NETO1: variants seen among roughly 807,000 people sequenced by gnomAD.
NETO1 encodes neuropilin and tolloid-like protein 1.
NETO1 carries 26 observed loss-of-function variants against 61.3 expected under a neutral mutation model. The observed-to-expected ratio is 0.42, with a 90% CI of 0.31 to 0.59. The LOEUF is 0.59. Ranked by LOEUF, NETO1 falls within the 20% of genes least tolerant of loss-of-function variation. The probability of loss-of-function intolerance (pLI) is 0.12; values close to 1 mark genes in which losing one functional copy is unlikely to be tolerated. For synonymous variants in NETO1, 225 were observed against 225.8 expected (o/e 1.00, Z 0.03); for missense variants, 531 against 662.8 (o/e 0.80, Z 2.18).
intron 6 of NETO1, among the ~76,000 whole-genome samples, chr18:72,793,301 A>G (rs942985833): frequency 2.6e-4 from 39 of 152,278 alleles, no homozygotes; most frequent in Admixed American, 1.3e-3. Flanking sequence ...AACAAATAAC[A>G]TCTTAGACCT....
At chr18:72,812,081 T>G (rs1239621105) in intron 4 of NETO1, among the ~76,000 whole-genome samples, 1 of 152,214 alleles carries the variant, frequency 6.6e-6, no homozygotes, top group Non-Finnish European at 1.5e-5. Context: ...GAGGAACAAC[T>G]GTGGGTAAAA....
At chr18:72,764,393 T>C (rs1023981364) in intron 7 of NETO1, among the ~76,000 whole-genome samples, 1 of 152,118 alleles carries the variant, frequency 6.6e-6, no homozygotes, top group African/African-American at 2.4e-5. Flanking sequence ...AAGAGCAAAA[T>C]CTAGCATACT....
At chr18:72,819,401 A>C (rs1329547619) in intron 4 of NETO1, among the ~76,000 whole-genome samples, 1 of 152,210 alleles carries the variant, frequency 6.6e-6, no homozygotes, top group East Asian at 1.9e-4. Context: ...TAATTGCTGA[A>C]ATTCTGAGAA....
chr18:72,753,342 A>G (rs959320158), intron 8 of NETO1, among the ~76,000 whole-genome samples: 6 of 152,220 alleles, frequency 3.9e-5, no homozygotes, highest in Non-Finnish European at 8.8e-5. Flanking sequence ...CCAGAAGGCA[A>G]CATGATGACA....
intron 4 of NETO1, among the ~76,000 whole-genome samples, chr18:72,840,047 T>C (rs528961303): frequency 6.6e-6 from 1 of 152,334 alleles, no homozygotes; most frequent in Non-Finnish European, 1.5e-5. Flanking sequence ...TAGAAGTATA[T>C]CCTCCACATT....
At position 72,747,840 on chromosome 18, in the gene NETO1, A is replaced by C. The variant is rs564584282; in HGVS notation, c.*339T>G. On this transcript the variant is annotated 3_prime_UTR_variant, in exon 11 of 11. Coordinates refer to ENST00000327305, the MANE Select transcript of NETO1 (RefSeq NM_138966.5). ...CACAATGTACAATTATATAACAAAG[A>C]CATAAAACAACATAGAAACAAAAGT... is the stretch of plus-strand genomic sequence containing the variant. 2 of 152,126 alleles carry C rather than the reference A, an allele frequency of 1.3e-5. No individual in the cohort carries two copies. Among genetic ancestry groups the C allele is most frequent in the Non-Finnish European group, 2.9e-5 (2 of 68,004 alleles). 9.4% of individuals were successfully genotyped at this position (152,126 alleles called of 1,614,324 possible).
intron 3 of NETO1, among the ~76,000 whole-genome samples, chr18:72,861,074 C>T (rs2074557858): frequency 6.6e-6 from 1 of 152,204 alleles, no homozygotes; most frequent in African/African-American, 2.4e-5. Context: ...TTAACACGCA[C>T]TCACCAATTT....
At chr18:72,850,010 T>C (rs1349489414) in intron 4 of NETO1, among the ~76,000 whole-genome samples, 1 of 152,260 alleles carries the variant, frequency 6.6e-6, no homozygotes, top group Non-Finnish European at 1.5e-5. Flanking sequence ...TCCTCCCAGA[T>C]AATCCAAGAT....
Position 72,750,556 on chromosome 18 carries a change from A to G in NETO1, c.1047T>C (p.Thr349=). 4.3e-6 allele frequency: 7 copies of G among 1,613,266 alleles called. No individual in the cohort carries two copies. The highest frequency in any genetic ancestry group is 5.9e-6 in the Non-Finnish European group (7 of 1,179,972). Residue 349 remains threonine (T), a synonymous_variant, in exon 9 of 11, where the codon ACT becomes ACC. Coordinates refer to ENST00000327305, the MANE Select transcript of NETO1 (RefSeq NM_138966.5). ...TNTSGTVIGV[T]SCIVIILIII... is the part of the protein sequence containing the mutation. ...TAATGAGGATGATCACGATGCAGGAAGTCACGCCAATGACAGTCCCACTGG... is the reference window on the plus strand; with the variant it reads ...TAATGAGGATGATCACGATGCAGGAGGTCACGCCAATGACAGTCCCACTGG...
intron 2 of NETO1, 21 bp from the exon 3 acceptor site, chr18:72,864,966 T>G (rs780499619): frequency 1.1e-4 from 166 of 1,554,066 alleles, no homozygotes; most frequent in Middle Eastern, 3.5e-4. Context: ...AAAAAAAAAG[T>G]TTTAAAAAGA....
At chr18:72,816,656 T>C (rs1236705856) in intron 4 of NETO1, among the ~76,000 whole-genome samples, 1 of 152,188 alleles carries the variant, frequency 6.6e-6, no homozygotes, top group Non-Finnish European at 1.5e-5. Flanking sequence ...AAGGCAACCG[T>C]GCCTGGATGG....
At chr18:72,792,209 A>G (rs1034672749) in intron 6 of NETO1, among the ~76,000 whole-genome samples, 2 of 152,156 alleles carry the variant, frequency 1.3e-5, no homozygotes, top group African/African-American at 4.8e-5. Flanking sequence ...ATGTGGGCAG[A>G]TCACCTGAGA....
intron 4 of NETO1, among the ~76,000 whole-genome samples, chr18:72,822,454 G>C (rs755159254): frequency 6.6e-6 from 1 of 152,216 alleles, no homozygotes; most frequent in Non-Finnish European, 1.5e-5. Context: ...TCCCCCCGCA[G>C]GACGTGGGGA....
chr18:72,758,389 G>GTA (rs1173506793), intron 7 of NETO1, among the ~76,000 whole-genome samples: 1 of 137,650 alleles, frequency 7.3e-6, no homozygotes, highest in Non-Finnish European at 1.5e-5. Flanking sequence ...TTTTCTTTGT[G>GTA]TGTGTGTGTG....
At chr18:72,780,524 T>A (rs565258738) in intron 7 of NETO1, among the ~76,000 whole-genome samples, 159 of 152,340 alleles carry the variant, frequency 1.0e-3, no homozygotes, top group Non-Finnish European at 1.8e-3. Context: ...GGATCTTTGA[T>A]GTTAGCCGGT....
Position 72,746,861 on chromosome 18 carries a change from C to T in NETO1, c.*1318G>A, listed in dbSNP as rs1297852460. Among the ~76,000 whole-genome samples, 1 of 151,924 alleles carries T rather than the reference C, an allele frequency of 6.6e-6. No homozygotes were observed. The highest frequency in any genetic ancestry group is 1.5e-5 in the Non-Finnish European group (1 of 67,934). Reference sequence around the variant, plus strand: ...TAACCACTCACCAAATCAAACTTTACAGAGTGTGTATATAATTTAATAGCA... The same window carrying T: ...TAACCACTCACCAAATCAAACTTTATAGAGTGTGTATATAATTTAATAGCA... On this transcript the variant is annotated 3_prime_UTR_variant, in exon 11 of 11. Coordinates refer to ENST00000327305, the MANE Select transcript of NETO1 (RefSeq NM_138966.5).
chr18:72,807,906 C>A (rs1438642800), intron 4 of NETO1, among the ~76,000 whole-genome samples: 1 of 152,188 alleles, frequency 6.6e-6, no homozygotes, highest in African/African-American at 2.4e-5. Flanking sequence ...TTAGCAATAT[C>A]CCTGCCCCTT....
intron 4 of NETO1, among the ~76,000 whole-genome samples, chr18:72,823,920 C>T (rs576030111): frequency 1.3e-5 from 2 of 152,048 alleles, no homozygotes; most frequent in Non-Finnish European, 2.9e-5. Context: ...TTGCAGCTCC[C>T]GATACACAAT....
intron 4 of NETO1, among the ~76,000 whole-genome samples, chr18:72,794,619 C>T (rs1231216708): frequency 6.6e-6 from 1 of 152,058 alleles, no homozygotes; most frequent in Non-Finnish European, 1.5e-5. Flanking sequence ...AGGTTTTTCT[C>T]AATACAAAAA....
Sources: allele counts gnomAD v4.1 joint callset (sites outside exome capture counted in the v4.1 genomes callset), GRCh38; gene constraint gnomAD v4.1.1; transcripts MANE v1.5; gene names NCBI Gene and HGNC (gene_info 2026-07-23, HGNC 2026-07-21).